Variants in SLC15A3 observed in about 807,000 individuals in gnomAD.
SLC15A3 encodes osteoclast transporter.
A neutral mutation model predicts 49.2 loss-of-function variants in SLC15A3; 39 were observed. The ratio of observed to expected loss-of-function variants is 0.79; its 90% CI spans 0.61 to 1.04. The LOEUF is 1.04. SLC15A3 is among the 50% of genes least tolerant of loss of function. SLC15A3 has a pLI of 0.00. For synonymous variants in SLC15A3, 339 were observed against 367.0 expected, an observed-to-expected ratio of 0.92 and a Z score of 0.87; for missense variants, 758 against 794.8, an observed-to-expected ratio of 0.95 and a Z score of 0.56.
chr11:60,948,016 C>G (rs1183039639), intron 1 of SLC15A3, among the ~76,000 whole-genome samples: 1 of 152,232 alleles, frequency 6.6e-6, no homozygotes, highest in East Asian at 1.9e-4. Context: ...TTCCATGCCC[C>G]TGCAAATCTC....
In SLC15A3 at chr11:60,939,515, A is replaced by C. The variant is rs1174540133; in HGVS notation, c.1400T>G (p.Leu467Arg). 1 of 1,614,054 alleles carries C rather than the reference A, an allele frequency of 6.2e-7. No individual in the cohort carries two copies. Among genetic ancestry groups the C allele is most frequent in the African/African-American group, 1.3e-5 (1 of 74,910 alleles). ...SIWWQIPQYL[L>R]IGISEIFASI... Reference sequence around the variant, plus strand: ...GGCAAAGATCTCACTGATCCCAATGAGCAGGTACTGAGGGATCTGCCACCA... The same window carrying C: ...GGCAAAGATCTCACTGATCCCAATGCGCAGGTACTGAGGGATCTGCCACCA... Residue 467 changes from leucine (L) to arginine (R), a missense_variant, in exon 6 of 8, where the codon CTC (leucine) becomes CGC (arginine). Transcript: ENST00000227880.
chr11:60,941,609 A>G (rs1030757956), intron 4 of SLC15A3: 11 of 351,526 alleles, frequency 3.1e-5, no homozygotes, highest in Non-Finnish European at 5.2e-5. Context: ...CAAATTTCTC[A>G]TATATCTGCC....
chr11:60,944,163 A>C lies in SLC15A3; in HGVS notation c.849-327T>G, dbSNP rs556096909. Among the ~76,000 whole-genome samples the C allele has an allele frequency of 3.8e-4, 58 of 152,300 alleles. 2 individuals are homozygous for C. The highest frequency in any genetic ancestry group is 3.4e-3 in the Middle Eastern group (1 of 294). On this transcript the variant is annotated intron_variant, in intron 2 of 7. Transcript: ENST00000227880. ...AACAGAGCCAGACTCCCTCTCAAAA[A>C]ACAAGCAAACAAACAAACGCAGCAG...
At chr11:60,949,099 G>C (rs1381355953) in intron 1 of SLC15A3, among the ~76,000 whole-genome samples, 2 of 152,178 alleles carry the variant, frequency 1.3e-5, no homozygotes, top group African/African-American at 4.8e-5. Context: ...ACTTTGGGAG[G>C]CTGAGGCAGG....
At chr11:60,949,780 A>G (rs1365998519) in intron 1 of SLC15A3, among the ~76,000 whole-genome samples, 1 of 152,226 alleles carries the variant, frequency 6.6e-6, no homozygotes, top group Non-Finnish European at 1.5e-5. Flanking sequence ...AGACAAGAAG[A>G]AAGTGCAATT....
At chr11:60,937,399 G>C in intron 7 of SLC15A3, 26 bp from the exon 8 acceptor site, 3 of 1,613,650 alleles carry the variant, frequency 1.9e-6, no homozygotes, top group Non-Finnish European at 2.5e-6. Context: ...GTTAGATTTG[G>C]GTCAGGACAG....
At chr11:60,941,429 G>T in intron 4 of SLC15A3, 139 bp from the exon 5 acceptor site, 1 of 803,914 alleles carries the variant, frequency 1.2e-6, no homozygotes, top group Non-Finnish European at 1.9e-6. Context: ...ATGCTCCTCA[G>T]CTGTGTAACC....
chr11:60,939,283 T>A (rs979882572), intron 6 of SLC15A3, among the ~76,000 whole-genome samples, 197 bp downstream of exon 6: 4 of 152,184 alleles, frequency 2.6e-5, no homozygotes, highest in Non-Finnish European at 5.9e-5. Flanking sequence ...AAATCCCCAG[T>A]GCCTGTCACA....
chr11:60,939,969 T>C (rs1459533575), intron 5 of SLC15A3: 5 of 257,822 alleles, frequency 1.9e-5, no homozygotes. Context: ...TTCAAGTGCT[T>C]AACTAGAAAG....
chr11:60,937,784 C>T, intron 7 of SLC15A3, 86 bp downstream of exon 7: 1 of 1,501,134 alleles, frequency 6.7e-7, no homozygotes, highest in Non-Finnish European at 9.0e-7. Flanking sequence ...TGCTTCTCCC[C>T]AGAGTCAAAG....
At chr11:60,943,909 G>T (rs1306477422) in intron 2 of SLC15A3, 73 bp from the exon 3 acceptor site, 1 of 1,355,126 alleles carries the variant, frequency 7.4e-7, no homozygotes, top group African/African-American at 1.5e-5. Context: ...TGTAATCCCA[G>T]CACTTTGGGA....
intron 3 of SLC15A3, chr11:60,943,049 A>G (rs1024737371): frequency 6.6e-6 from 1 of 152,056 alleles, no homozygotes; most frequent in African/African-American, 2.4e-5. Context: ...ATAGTTCTCA[A>G]CTCTGAGTAT....
In SLC15A3 at chr11:60,946,557, G is replaced by A; in HGVS notation, c.823C>T (p.Gln275Ter). The A allele has an allele frequency of 6.3e-7, 1 of 1,580,638 alleles. No homozygotes were observed. Among genetic ancestry groups the A allele is most frequent in the African/African-American group, 1.3e-5 (1 of 74,292 alleles). ...LKLALQNCCP[Q>*]LWQRHSARDR... The stretch of plus-strand genomic sequence containing the variant: ...CTGGCCGAGTGTCGTTGCCACAGCT[G>A]GGGGCAGCAGTTTTGGAGAGCGAGC... The change falls in exon 2 of 8, where the codon CAG becomes TAG. Residue 275 changes from glutamine to a stop codon, truncating the protein, a stop_gained. Transcript: ENST00000227880. LOFTEE classifies it high-confidence loss of function.
At chr11:60,949,509 A>AAAGAAAGG in intron 1 of SLC15A3, among the ~76,000 whole-genome samples, 1 of 62,296 alleles carries the variant, frequency 1.6e-5, no homozygotes, top group African/African-American at 3.9e-5. Flanking sequence ...AGAAGGAAAG[A>AAAGAAAGG]AAGAAAGAAA....
intron 5 of SLC15A3, chr11:60,940,365 A>G: frequency 6.6e-6 from 1 of 152,454 alleles, no homozygotes; most frequent in Non-Finnish European, 1.5e-5. Flanking sequence ...CTTTAAGGAT[A>G]TAGCTGGAAT....
rs1856908947 is a variant in SLC15A3, at chr11:60,951,073, A to AC, written c.478dup (p.Val160GlyfsTer107). The stretch of plus-strand genomic sequence containing the variant: ...GAGTAGCAGCAGGCCCGCGTAGAGG[A>AC]CGGGCGCGCAGTAGGGGCTGGGCGA... On this transcript the variant is annotated frameshift_variant, in exon 1 of 8. Transcript: ENST00000227880. LOFTEE classifies it high-confidence loss of function. 1 of 1,486,764 alleles carries AC rather than the reference A, an allele frequency of 6.7e-7. No homozygotes were observed. Among genetic ancestry groups the AC allele is most frequent in the Non-Finnish European group, 8.9e-7 (1 of 1,127,884 alleles). 92.1% of individuals were successfully genotyped at this position (1,486,764 alleles called of 1,614,324 possible).
chr11:60,949,704 G>A (rs527534264), intron 1 of SLC15A3, among the ~76,000 whole-genome samples: 8 of 152,216 alleles, frequency 5.3e-5, no homozygotes, highest in East Asian at 1.9e-4. Context: ...TGGATGAAAC[G>A]ATCCTTTTGA....
rs1203946353 is a variant in SLC15A3 at position 60,951,230 on chromosome 11, G to A, written c.322C>T (p.Leu108=). ...CCCGAGGCGGCCAGGTAGAGCAGCAGGCTGAGCGCGACCGCGCGGTAGCGG... is the reference window on the plus strand; with the variant it reads ...CCCGAGGCGGCCAGGTAGAGCAGCAAGCTGAGCGCGACCGCGCGGTAGCGG... ...LGRYRAVALS[L]LLYLAASGLL... is the part of the protein sequence containing the mutation. The change falls in exon 1 of 8, where the codon CTG becomes TTG. Residue 108 remains leucine (L), a synonymous_variant. Transcript: ENST00000227880. 2.6e-6 allele frequency: 4 copies of A among 1,510,304 alleles called. No homozygotes were observed. The highest frequency in any genetic ancestry group is 3.5e-6 in the Non-Finnish European group (4 of 1,134,202). The allele number at this position is 1,510,304 out of a possible 1,614,324, so 93.6% of individuals were successfully genotyped here. A position where few individuals can be genotyped will look rare whatever the true frequency, so the allele number is the denominator to read the frequency against.
intron 1 of SLC15A3, among the ~76,000 whole-genome samples, chr11:60,949,546 A>AAG (rs1425777809): frequency 1.3e-5 from 1 of 78,224 alleles, no homozygotes; most frequent in Non-Finnish European, 3.5e-5. Context: ...GAAAGAAAGA[A>AAG]AGAAAGAAAG....
Sources: allele counts gnomAD v4.1 joint callset (sites outside exome capture counted in the v4.1 genomes callset), GRCh38; gene constraint gnomAD v4.1.1; transcripts MANE v1.5; gene names NCBI Gene and HGNC (gene_info 2026-07-23, HGNC 2026-07-21).